Variants in RHBDL2 observed in about 807,000 individuals in gnomAD.
RHBDL2 encodes rhomboid-related protein 2.
Under a neutral mutation model 31.7 loss-of-function variants are expected in RHBDL2, and 26 were observed. The observed-to-expected ratio is 0.82, with a 90% confidence interval of 0.60 to 1.14. RHBDL2 has a LOEUF of 1.14. Ranked by LOEUF, RHBDL2 falls within the 50% of genes most tolerant of loss-of-function variation. RHBDL2 has a pLI of 0.00. For synonymous variants in RHBDL2, 123 were observed against 127.2 expected, an observed-to-expected ratio of 0.97 and a Z score of 0.22; for missense variants, 336 against 364.4, an observed-to-expected ratio of 0.92 and a Z score of 0.63.
In RHBDL2 at chr1:38,886,290, T is replaced by C. The variant is rs373899647; in HGVS notation, c.*214A>G. 45 of 338,020 alleles carry C rather than the reference T, an allele frequency of 1.3e-4. No individual in the cohort carries two copies. The highest frequency in any genetic ancestry group is 7.8e-4 in the African/African-American group (37 of 47,414). The allele number at this position is 338,020 out of a possible 1,614,324, so 20.9% of individuals were successfully genotyped here. On this transcript the variant is annotated 3_prime_UTR_variant, in exon 8 of 8. Coordinates refer to ENST00000372990, the MANE Select transcript of RHBDL2 (RefSeq NM_017821.5). ...GTTTTTACTACCCTTCTTTTCTCTC[T>C]TCTTCTTCCCTTTCTACATTAAGAA...
intron 1 of RHBDL2, among the ~76,000 whole-genome samples, chr1:38,927,804 T>C (rs192235130): frequency 3.3e-5 from 5 of 152,316 alleles, no homozygotes; most frequent in African/African-American, 9.6e-5. Context: ...TTTATGAGCA[T>C]TGTCTTCATT....
intron 1 of RHBDL2, among the ~76,000 whole-genome samples, chr1:38,925,668 T>G (rs965846707): frequency 2.0e-5 from 3 of 152,210 alleles, no homozygotes; most frequent in African/African-American, 7.2e-5. Context: ...GCATGCCAAT[T>G]TATCCAAAAC....
At chr1:38,887,941 A>T (rs2124297199) in intron 7 of RHBDL2, 22 bp downstream of exon 7, 1 of 1,544,392 alleles carries the variant, frequency 6.5e-7, no homozygotes, top group South Asian at 1.1e-5. Context: ...TCTATTTTAT[A>T]AAAGAAAGAA....
At chr1:38,907,822 G>C (rs1643087855) in intron 4 of RHBDL2, among the ~76,000 whole-genome samples, 1 of 152,076 alleles carries the variant, frequency 6.6e-6, no homozygotes, top group African/African-American at 2.4e-5. Context: ...CAGGACCTAA[G>C]GTTCAGTGAA....
chr1:38,898,740 A>T (rs1331902746), intron 4 of RHBDL2, among the ~76,000 whole-genome samples: 4 of 152,184 alleles, frequency 2.6e-5, no homozygotes, highest in African/African-American at 9.7e-5. Context: ...TTTACAAGAC[A>T]GGGTACCAGA....
chr1:38,906,180 A>C (rs1278815038), intron 4 of RHBDL2, among the ~76,000 whole-genome samples: 2 of 152,200 alleles, frequency 1.3e-5, no homozygotes, highest in Non-Finnish European at 2.9e-5. Context: ...ACTCTTAATC[A>C]ACATAGTGCT....
chr1:38,895,938 G>T, intron 5 of RHBDL2, 31 bp downstream of exon 5: 3 of 1,381,326 alleles, frequency 2.2e-6, no homozygotes, highest in South Asian at 1.2e-5. Flanking sequence ...TTTTTTAAGA[G>T]ACTCGTGGAC....
intron 4 of RHBDL2, among the ~76,000 whole-genome samples, chr1:38,903,585 C>T (rs552935466): frequency 3.3e-5 from 5 of 152,090 alleles, no homozygotes; most frequent in African/African-American, 1.2e-4. Flanking sequence ...GACCTAAATA[C>T]ACAGAAAGGT....
At chr1:38,930,574 G>A (rs1182408066) in intron 1 of RHBDL2, among the ~76,000 whole-genome samples, 1 of 152,160 alleles carries the variant, frequency 6.6e-6, no homozygotes, top group Admixed American at 6.5e-5. Flanking sequence ...CATCATCTTT[G>A]TTGATGGTGA....
chr1:38,935,773 T>C (rs949633282), intron 1 of RHBDL2, among the ~76,000 whole-genome samples: 1 of 151,912 alleles, frequency 6.6e-6, no homozygotes, highest in East Asian at 1.9e-4. Flanking sequence ...CCACCACACC[T>C]GGCTAACTTT....
intron 6 of RHBDL2, among the ~76,000 whole-genome samples, chr1:38,891,587 C>T (rs773996706): frequency 2.0e-5 from 3 of 152,038 alleles, no homozygotes; most frequent in Non-Finnish European, 4.4e-5. Flanking sequence ...TCTGCTGCCT[C>T]CCAGATACTC....
At chr1:38,941,197 C>T (rs74729501) in intron 1 of RHBDL2, among the ~76,000 whole-genome samples, 1,582 of 152,300 alleles carry the variant, frequency 0.01, 22 homozygotes, top group African/African-American at 0.036. Flanking sequence ...ATACCCACAC[C>T]AGGAAGAAGG....
At chr1:38,920,949 G>T (rs1418684800) in intron 1 of RHBDL2, among the ~76,000 whole-genome samples, 1 of 152,032 alleles carries the variant, frequency 6.6e-6, no homozygotes. Context: ...CCAGTTTGAG[G>T]GGGAGCATAT....
At chr1:38,918,648 T>C (rs2124337325) in intron 2 of RHBDL2, among the ~76,000 whole-genome samples, 1 of 152,314 alleles carries the variant, frequency 6.6e-6, no homozygotes, top group South Asian at 2.1e-4. Context: ...AGAAAGCCCT[T>C]GTGCAACCCC....
rs1324766828 is a variant in RHBDL2, at chr1:38,896,075, G to A, written c.509-6C>T. On this transcript the variant is annotated splice_region_variant and splice_polypyrimidine_tract_variant and intron_variant, in intron 4 of 7. Transcript: ENST00000372990. ...GATGGAGCTGGCAAGGGACCCTAAA[G>A]AAATAAAACACAAAGGATCAGACAT... is the stretch of plus-strand genomic sequence containing the variant. 2 of 1,591,946 alleles carry A rather than the reference G, an allele frequency of 1.3e-6. No individual in the cohort carries two copies. The highest frequency in any genetic ancestry group is 1.7e-5 in the Admixed American group (1 of 59,816).
chr1:38,914,358 C>T (rs1292990460), intron 3 of RHBDL2, among the ~76,000 whole-genome samples: 1 of 151,988 alleles, frequency 6.6e-6, no homozygotes. Flanking sequence ...TTTATTGTCT[C>T]AGCCTCCTGA....
chr1:38,934,644 G>C (rs557188222), intron 1 of RHBDL2, among the ~76,000 whole-genome samples: 2 of 112,870 alleles, frequency 1.8e-5, no homozygotes, highest in East Asian at 4.9e-4. Context: ...CTGAGTGACA[G>C]AGCAAGACTG....
intron 1 of RHBDL2, among the ~76,000 whole-genome samples, chr1:38,923,258 A>G (rs899926652): frequency 6.6e-6 from 1 of 152,232 alleles, no homozygotes; most frequent in Non-Finnish European, 1.5e-5. Context: ...AACCTCTAGA[A>G]ATCCACCCTT....
intron 1 of RHBDL2, among the ~76,000 whole-genome samples, chr1:38,934,481 C>T (rs1401788714): frequency 6.6e-6 from 1 of 151,114 alleles, no homozygotes; most frequent in Non-Finnish European, 1.5e-5. Context: ...ATAGTGAAAC[C>T]CCGTCTCTAC....
Sources: gnomAD v4.1 joint callset for allele counts (sites outside exome capture counted in the v4.1 genomes callset) on GRCh38, gnomAD v4.1.1 for gene constraint, MANE v1.5 for transcripts, NCBI Gene and HGNC (gene_info 2026-07-23, HGNC 2026-07-21) for gene names.